The following PDGFC variants were observed in gnomAD, a reference collection of about 807,000 sequenced individuals.
PDGFC encodes the protein platelet derived growth factor C, also known as platelet-derived growth factor C.
PDGFC carries 12 observed loss-of-function variants against 35.5 expected under a neutral mutation model. The ratio of observed to expected loss-of-function variants is 0.34; its 90% CI spans 0.22 to 0.55. The LOEUF (loss-of-function observed/expected upper bound fraction) is 0.55, where lower values mean the gene tolerates loss of function less well. PDGFC is among the 20% of genes least tolerant of loss of function. The probability of loss-of-function intolerance (pLI) is 0.91; values close to 1 mark genes in which losing one functional copy is unlikely to be tolerated. For missense variants in PDGFC, 322 were observed against 412.4 expected (o/e 0.78, Z 1.90); for synonymous variants, 159 against 148.8 (o/e 1.07, Z -0.50).
intron 1 of PDGFC, among the ~76,000 whole-genome samples, chr4:156,903,582 T>C (rs1730845474): frequency 6.6e-6 from 1 of 152,052 alleles, no homozygotes; most frequent in African/African-American, 2.4e-5. Flanking sequence ...AAGCTCAGAA[T>C]AGATACTAAG....
chr4:156,782,131 G>T (rs1730995661), intron 3 of PDGFC, among the ~76,000 whole-genome samples: 2 of 152,048 alleles, frequency 1.3e-5, no homozygotes, highest in Non-Finnish European at 2.9e-5. Context: ...TTCTAAAACA[G>T]ATTTATATTC....
intron 1 of PDGFC, among the ~76,000 whole-genome samples, chr4:156,866,327 G>A (rs968903091): frequency 6.6e-6 from 1 of 152,052 alleles, no homozygotes. Flanking sequence ...TTGTGTGTAT[G>A]TGCCACATTT....
At chr4:156,773,690 T>A (rs887740567) in intron 3 of PDGFC, 2 of 152,320 alleles carry the variant, frequency 1.3e-5, no homozygotes, top group African/African-American at 4.8e-5. Context: ...AAAAGGATAC[T>A]TTTTCACACA....
intron 2 of PDGFC, among the ~76,000 whole-genome samples, chr4:156,837,138 A>C (rs1729081975): frequency 1.3e-5 from 2 of 152,248 alleles, no homozygotes; most frequent in Non-Finnish European, 2.9e-5. Flanking sequence ...AACATTGATG[A>C]GGTTGAGACA....
rs147672316 is a variant in PDGFC at position 156,907,625 on chromosome 4, G to A, written c.119-57209C>T. ...CAGACTTGTGTGTCAAATCTCAGTC[G>A]GTGGGTGGAGCTCTTGCCAGGCCTC... is the stretch of plus-strand genomic sequence containing the variant. On this transcript the variant is annotated intron_variant, in intron 1 of 5. Coordinates refer to ENST00000502773, the MANE Select transcript of PDGFC (RefSeq NM_016205.3). 3.0e-3 allele frequency among the ~76,000 whole-genome samples: 451 copies of A among 152,236 alleles called. 1 individual carries two copies. The highest frequency in any genetic ancestry group is 5.5e-3 in the Non-Finnish European group (376 of 68,014).
At chr4:156,870,696 C>T (rs900661564) in intron 1 of PDGFC, among the ~76,000 whole-genome samples, 9 of 152,042 alleles carry the variant, frequency 5.9e-5, no homozygotes, top group Non-Finnish European at 4.4e-5. Flanking sequence ...AACCCTAAGC[C>T]GTTGATGTAT....
intron 3 of PDGFC, among the ~76,000 whole-genome samples, chr4:156,797,922 C>T (rs1356735522): frequency 6.6e-6 from 1 of 152,094 alleles, no homozygotes; most frequent in Non-Finnish European, 1.5e-5. Flanking sequence ...AGGCGCGGTG[C>T]CTCACGCCAG....
intron 2 of PDGFC, among the ~76,000 whole-genome samples, chr4:156,816,003 T>G (rs997621261): frequency 3.9e-5 from 6 of 152,338 alleles, no homozygotes; most frequent in Middle Eastern, 3.4e-3. Context: ...ATTTTCGTTC[T>G]CATGTGGGAA....
At chr4:156,875,808 G>T (rs745334491) in intron 1 of PDGFC, among the ~76,000 whole-genome samples, 1 of 152,044 alleles carries the variant, frequency 6.6e-6, no homozygotes, top group Non-Finnish European at 1.5e-5. Context: ...ATCTGAACCT[G>T]GGAGGCAGAG....
chr4:156,884,675 C>T (rs1014094933), intron 1 of PDGFC, among the ~76,000 whole-genome samples: 1 of 152,142 alleles, frequency 6.6e-6, no homozygotes, highest in Non-Finnish European at 1.5e-5. Flanking sequence ...TATTTGTATA[C>T]TGATTTGCTA....
At chr4:156,931,921 T>C (rs1412882856) in intron 1 of PDGFC, among the ~76,000 whole-genome samples, 1 of 152,146 alleles carries the variant, frequency 6.6e-6, no homozygotes, top group East Asian at 1.9e-4. Flanking sequence ...GTTCTATACA[T>C]TACTCATAAG....
intron 1 of PDGFC, among the ~76,000 whole-genome samples, chr4:156,921,759 G>C (rs554008279): frequency 6.6e-6 from 1 of 152,212 alleles, no homozygotes; most frequent in Non-Finnish European, 1.5e-5. Flanking sequence ...GAAGAAAAGT[G>C]ATGTCCAAAC....
intron 1 of PDGFC, among the ~76,000 whole-genome samples, chr4:156,893,272 T>C (rs762456246): frequency 1.6e-4 from 25 of 152,218 alleles, no homozygotes; most frequent in African/African-American, 5.8e-4. Flanking sequence ...TATTTTAACT[T>C]CGTTCAGGTG....
chr4:156,809,348 A>G (rs567064926), intron 3 of PDGFC, among the ~76,000 whole-genome samples: 42 of 152,092 alleles, frequency 2.8e-4, no homozygotes, highest in Non-Finnish European at 5.6e-4. Flanking sequence ...CTCTGATAAT[A>G]GGTCAACCCT....
chr4:156,960,016 A>T (rs192901506), intron 1 of PDGFC, among the ~76,000 whole-genome samples: 151 of 152,046 alleles, frequency 9.9e-4, no homozygotes, highest in African/African-American at 3.4e-3. Flanking sequence ...ATCATGGCTT[A>T]AAACCTCAAG....
At chr4:156,808,362 G>A (rs952523696) in intron 3 of PDGFC, among the ~76,000 whole-genome samples, 3 of 151,996 alleles carry the variant, frequency 2.0e-5, no homozygotes, top group Admixed American at 2.0e-4. Context: ...AGAAATCATT[G>A]TGGCCAGTGG....
At chr4:156,779,109 G>A (rs1730911437) in intron 3 of PDGFC, 1 of 456,004 alleles carries the variant, frequency 2.2e-6, no homozygotes, top group Non-Finnish European at 4.4e-6. Flanking sequence ...CTAAGCAGCA[G>A]ACAGGGCATG....
intron 1 of PDGFC, among the ~76,000 whole-genome samples, chr4:156,938,822 C>A (rs111519551): frequency 0.095 from 14,319 of 151,302 alleles, 2,051 homozygotes; most frequent in African/African-American, 0.31. Context: ...AGCACAACAA[C>A]ATTATAAATA....
chr4:156,793,986 C>T (rs1411321252), intron 3 of PDGFC, among the ~76,000 whole-genome samples: 1 of 152,096 alleles, frequency 6.6e-6, no homozygotes, highest in African/African-American at 2.4e-5. Context: ...CTACTAATAC[C>T]TTAGTAGCAT....
Sources: allele counts gnomAD v4.1 joint callset (sites outside exome capture counted in the v4.1 genomes callset), GRCh38; gene constraint gnomAD v4.1.1; transcripts MANE v1.5; gene names NCBI Gene and HGNC (gene_info 2026-07-23, HGNC 2026-07-21).